The following CMIP variants were observed in gnomAD, a reference collection of about 807,000 sequenced individuals.
The protein encoded by CMIP is c-Maf inducing protein.
CMIP carries 13 observed loss-of-function variants against 97.3 expected under a neutral mutation model. That is an observed-to-expected ratio of 0.13 (90% CI 0.09 to 0.21). The LOEUF (loss-of-function observed/expected upper bound fraction) is 0.21, where lower values mean the gene tolerates loss of function less well. CMIP is among the 10% of genes least tolerant of loss of function. The pLI, the probability that CMIP is intolerant of heterozygous loss-of-function variation, is 1.00. For synonymous variants in CMIP, 538 were observed against 436.3 expected (o/e 1.23, Z -2.91); for missense variants, 847 against 1,024.9 (o/e 0.83, Z 2.37).
chr16:81,593,090 C>T (rs1181938604), intron 1 of CMIP, among the ~76,000 whole-genome samples: 1 of 151,916 alleles, frequency 6.6e-6, no homozygotes, highest in Non-Finnish European at 1.5e-5. Context: ...TATTATTAAA[C>T]CTTGAGCCAT....
intron 1 of CMIP, among the ~76,000 whole-genome samples, chr16:81,593,988 CCCT>C (rs1246848621): frequency 7.7e-6 from 1 of 129,124 alleles, no homozygotes; most frequent in African/African-American, 3.0e-5. Flanking sequence ...CTCCTCCTCC[CCCT>C]CCTCCCCCTC....
chr16:81,629,201 CTGTT>C (rs2150971386), intron 3 of CMIP, among the ~76,000 whole-genome samples: 1 of 147,210 alleles, frequency 6.8e-6, no homozygotes, highest in African/African-American at 2.5e-5. Context: ...AGGCAGGCCC[CTGTT>C]TCTCACGCAG....
At chr16:81,572,117 G>A (rs1597102442) in intron 1 of CMIP, among the ~76,000 whole-genome samples, 1 of 152,306 alleles carries the variant, frequency 6.6e-6, no homozygotes, top group African/African-American at 2.4e-5. Flanking sequence ...CCTGTCTCCC[G>A]GGGGCTCTTT....
chr16:81,545,516 T>A (rs575971237), intron 1 of CMIP, among the ~76,000 whole-genome samples: 2 of 152,302 alleles, frequency 1.3e-5, no homozygotes, highest in East Asian at 3.9e-4. Flanking sequence ...CAGTGCTCTA[T>A]GAATGGCATT....
intron 1 of CMIP, among the ~76,000 whole-genome samples, chr16:81,496,327 C>A (rs949379754): frequency 6.6e-6 from 1 of 152,168 alleles, no homozygotes. Context: ...ACAAAACAGA[C>A]CCCCTTCATG....
chr16:81,643,938 G>A (rs1445637748), intron 3 of CMIP, among the ~76,000 whole-genome samples: 1 of 152,118 alleles, frequency 6.6e-6, no homozygotes, highest in East Asian at 1.9e-4. Context: ...AGAGTGATGG[G>A]CTGTGACTGG....
chr16:81,594,307 C>T (rs187642838), intron 1 of CMIP, among the ~76,000 whole-genome samples: 143 of 150,990 alleles, frequency 9.5e-4, no homozygotes, highest in African/African-American at 3.3e-3. Flanking sequence ...TTTGTAGAGA[C>T]GGAGTTTCGC....
chr16:81,546,719 C>T (rs2090552965), intron 1 of CMIP, among the ~76,000 whole-genome samples: 1 of 152,168 alleles, frequency 6.6e-6, no homozygotes, highest in Non-Finnish European at 1.5e-5. Flanking sequence ...ATCATTCATT[C>T]ATTCTCTTGT....
At chr16:81,611,143 G>A (rs750699702) in intron 2 of CMIP, among the ~76,000 whole-genome samples, 3 of 152,216 alleles carry the variant, frequency 2.0e-5, no homozygotes, top group Admixed American at 6.5e-5. Flanking sequence ...CCTCAGTCCC[G>A]TTAGCTACAC....
intron 3 of CMIP, chr16:81,622,007 C>G (rs1455308423): frequency 1.3e-5 from 2 of 152,296 alleles, no homozygotes; most frequent in Admixed American, 6.5e-5. Flanking sequence ...GGGAAGAGAA[C>G]TAGTGTTTAC....
intron 1 of CMIP, 42 bp from the exon 2 acceptor site, chr16:81,607,525 T>C (rs1412595269): frequency 6.2e-7 from 1 of 1,606,868 alleles, no homozygotes; most frequent in Non-Finnish European, 8.5e-7. Flanking sequence ...TGCCTGCTAC[T>C]GTAACCAATG....
intron 1 of CMIP, among the ~76,000 whole-genome samples, chr16:81,585,450 A>G (rs2091365694): frequency 6.6e-6 from 1 of 152,186 alleles, no homozygotes; most frequent in Non-Finnish European, 1.5e-5. Flanking sequence ...CTCAAAAGGA[A>G]ACCCGTGCCC....
intron 9 of CMIP, among the ~76,000 whole-genome samples, chr16:81,677,563 A>G (rs1012128098): frequency 3.9e-5 from 6 of 152,218 alleles, no homozygotes; most frequent in Admixed American, 3.3e-4. Flanking sequence ...GGCTCTGACA[A>G]GTCCTGCCAT....
At chr16:81,644,334 A>G (rs954658866) in intron 3 of CMIP, among the ~76,000 whole-genome samples, 12 of 152,128 alleles carry the variant, frequency 7.9e-5, no homozygotes, top group Non-Finnish European at 1.5e-4. Context: ...ATTTTGTGAC[A>G]TGGATTGTGT....
At chr16:81,693,879 G>A (rs970437082) in intron 13 of CMIP, among the ~76,000 whole-genome samples, 9 of 152,154 alleles carry the variant, frequency 5.9e-5, no homozygotes, top group Admixed American at 1.3e-4. Context: ...TTTATTTCCC[G>A]GTCATGGTGG....
intron 9 of CMIP, among the ~76,000 whole-genome samples, chr16:81,675,270 C>A (rs1377110390): frequency 6.6e-6 from 1 of 152,086 alleles, no homozygotes; most frequent in Non-Finnish European, 1.5e-5. Context: ...GTGGCGCAAT[C>A]TCTGCTCACT....
intron 1 of CMIP, among the ~76,000 whole-genome samples, chr16:81,540,722 C>G (rs2090433827): frequency 6.7e-6 from 1 of 149,696 alleles, no homozygotes; most frequent in Non-Finnish European, 1.5e-5. Flanking sequence ...GGTCTGTTGC[C>G]CAAGCTGGAG....
At chr16:81,528,351 T>C (rs1057515134) in intron 1 of CMIP, among the ~76,000 whole-genome samples, 5 of 152,162 alleles carry the variant, frequency 3.3e-5, no homozygotes, top group South Asian at 2.1e-4. Context: ...CAGTCCACCA[T>C]TGGTCTCATG....
intron 17 of CMIP, 141 bp from the exon 18 acceptor site, chr16:81,703,798 A>C: frequency 6.2e-6 from 7 of 1,126,458 alleles, no homozygotes; most frequent in South Asian, 3.5e-5. Context: ...CTGTGCCCCC[A>C]TCTCAGCTCC....
Sources: allele counts gnomAD v4.1 joint callset (sites outside exome capture counted in the v4.1 genomes callset), GRCh38; gene constraint gnomAD v4.1.1; transcripts MANE v1.5; gene names NCBI Gene and HGNC (gene_info 2026-07-23, HGNC 2026-07-21).